MYRIP: variants seen among roughly 807,000 people sequenced by gnomAD.
MYRIP encodes the protein rab effector MyRIP.
A neutral mutation model predicts 98.0 loss-of-function variants in MYRIP; 49 were observed. That is an observed-to-expected ratio of 0.50 (90% CI 0.40 to 0.63). MYRIP has a LOEUF of 0.63. Ranked by LOEUF, MYRIP falls within the 30% of genes least tolerant of loss-of-function variation. The probability of loss-of-function intolerance (pLI) is 0.00; values close to 1 mark genes in which losing one functional copy is unlikely to be tolerated. For missense variants in MYRIP, 1,004 were observed against 1,058.2 expected, an observed-to-expected ratio of 0.95 and a Z score of 0.71; for synonymous variants, 404 against 409.5, an observed-to-expected ratio of 0.99 and a Z score of 0.16.
chr3:40,251,798 G>C, intron 15 of MYRIP, 83 bp from the exon 16 acceptor site: 1 of 899,114 alleles, frequency 1.1e-6, no homozygotes, highest in Middle Eastern at 2.2e-4. Flanking sequence ...AAAAGTCTGA[G>C]TAATCTGGCC....
At chr3:39,883,948 A>C (rs915010585) in intron 1 of MYRIP, among the ~76,000 whole-genome samples, 1 of 152,128 alleles carries the variant, frequency 6.6e-6, no homozygotes. Flanking sequence ...TCCAAAGCTG[A>C]TGAAAGTTTA....
chr3:40,234,353 C>T (rs1952760706), intron 12 of MYRIP, among the ~76,000 whole-genome samples: 1 of 152,188 alleles, frequency 6.6e-6, no homozygotes, highest in Non-Finnish European at 1.5e-5. Flanking sequence ...CAAAGAGGAG[C>T]TTCAGCCTGA....
At chr3:39,910,056 G>A (rs1422090103) in intron 2 of MYRIP, among the ~76,000 whole-genome samples, 4 of 151,890 alleles carry the variant, frequency 2.6e-5, no homozygotes, top group Admixed American at 2.6e-4. Flanking sequence ...ACACCCCGCT[G>A]ATTTTTGTAT....
At chr3:40,079,278 C>T (rs1948423702) in intron 3 of MYRIP, among the ~76,000 whole-genome samples, 1 of 152,208 alleles carries the variant, frequency 6.6e-6, no homozygotes, top group African/African-American at 2.4e-5. Flanking sequence ...CTATCCTGGG[C>T]AACTGGGCTA....
intron 1 of MYRIP, among the ~76,000 whole-genome samples, chr3:39,882,282 A>T (rs1943173725): frequency 6.6e-6 from 1 of 152,092 alleles, no homozygotes; most frequent in African/African-American, 2.4e-5. Flanking sequence ...TTAGATGCTC[A>T]GAGCAGATTT....
chr3:39,833,640 T>C (rs115266034), intron 1 of MYRIP, among the ~76,000 whole-genome samples: 2,435 of 152,272 alleles, frequency 0.016, 59 homozygotes, highest in African/African-American at 0.055. Context: ...ACAGTGTTTA[T>C]TGAATTTAGA....
chr3:40,204,568 G>T (rs1427445862), intron 10 of MYRIP, among the ~76,000 whole-genome samples: 2 of 151,946 alleles, frequency 1.3e-5, no homozygotes, highest in Non-Finnish European at 2.9e-5. Flanking sequence ...TCCCCATTCT[G>T]AGTAGCTAGG....
chr3:39,839,421 C>T (rs1436458625), intron 1 of MYRIP, among the ~76,000 whole-genome samples: 1 of 152,024 alleles, frequency 6.6e-6, no homozygotes, highest in African/African-American at 2.4e-5. Flanking sequence ...CCATGCCTGG[C>T]TAATTTTTGT....
chr3:40,212,548 C>G (rs920825245), intron 11 of MYRIP, among the ~76,000 whole-genome samples: 4 of 152,032 alleles, frequency 2.6e-5, no homozygotes, highest in Admixed American at 6.6e-5. Flanking sequence ...GCAGGCAGAT[C>G]GCTTGAGCCT....
rs1175564998 is a variant in MYRIP, at chr3:39,957,236, T to G, written c.110+56310T>G. Among the ~76,000 whole-genome samples, 2 of 151,708 alleles carry G rather than the reference T, an allele frequency of 1.3e-5. 1 individual carries two copies. The highest frequency in any genetic ancestry group is 4.9e-5 in the African/African-American group (2 of 41,044). ...ACAGGGACACACCAAAAAAGAGAATTTTAGACCAATATCCCTGATGAACAT... is the reference window on the plus strand; with the variant it reads ...ACAGGGACACACCAAAAAAGAGAATGTTAGACCAATATCCCTGATGAACAT... On this transcript the variant is annotated intron_variant, in intron 2 of 16. Coordinates refer to ENST00000302541, the MANE Select transcript of MYRIP (RefSeq NM_015460.4).
rs1942121305 is a variant in MYRIP, at chr3:39,851,214, G to A, written c.-31+41298G>A. On this transcript the variant is annotated intron_variant, in intron 1 of 16. Coordinates refer to ENST00000302541, the MANE Select transcript of MYRIP (RefSeq NM_015460.4). The stretch of plus-strand genomic sequence containing the variant: ...TGCCAATAATCTATGATGGATGTAT[G>A]TATGTATGTGTGTGATTTCAGAGCC... 2.0e-5 allele frequency among the ~76,000 whole-genome samples: 3 copies of A among 150,380 alleles called. No individual in the cohort carries two copies. In the South Asian group the frequency reaches 6.6e-4, roughly 33 times the overall value.
At chr3:39,901,230 G>A (rs1265562834) in intron 2 of MYRIP, among the ~76,000 whole-genome samples, 1 of 152,194 alleles carries the variant, frequency 6.6e-6, no homozygotes, top group Non-Finnish European at 1.5e-5. Context: ...TTAGTTTTTT[G>A]TTGGCAGGTC....
At chr3:40,078,332 G>A (rs1055626949) in intron 3 of MYRIP, among the ~76,000 whole-genome samples, 1 of 152,210 alleles carries the variant, frequency 6.6e-6, no homozygotes, top group African/African-American at 2.4e-5. Flanking sequence ...CTGCGAGCCG[G>A]CTCTGGCCTT....
intron 1 of MYRIP, 50 bp downstream of exon 1, chr3:39,809,966 T>A (rs1379861904): frequency 6.6e-6 from 1 of 152,322 alleles, no homozygotes; most frequent in Non-Finnish European, 1.5e-5. Context: ...TTTGCGCCAC[T>A]CTCCCCTCAA....
chr3:40,241,412 C>T (rs1449032882), intron 12 of MYRIP, among the ~76,000 whole-genome samples: 1 of 152,190 alleles, frequency 6.6e-6, no homozygotes, highest in Non-Finnish European at 1.5e-5. Context: ...CATGGTTACT[C>T]AGGTGGTTCT....
rs1575269213 is a variant in MYRIP at position 39,818,024 on chromosome 3, C to A, written c.-31+8108C>A. Among the ~76,000 whole-genome samples, 5 of 152,068 alleles carry A rather than the reference C, an allele frequency of 3.3e-5. No homozygotes were observed. In the South Asian group the frequency reaches 8.3e-4, roughly 25 times the overall value. On this transcript the variant is annotated intron_variant, in intron 1 of 16. Coordinates refer to ENST00000302541, the MANE Select transcript of MYRIP (RefSeq NM_015460.4). ...TAACAACACATCAGCAACTTTAATG[C>A]CAGTATTTATTCTTCTGTCATTACT... is the stretch of plus-strand genomic sequence containing the variant.
intron 2 of MYRIP, among the ~76,000 whole-genome samples, chr3:39,981,354 C>T (rs956106319): frequency 2.6e-5 from 4 of 152,196 alleles, no homozygotes; most frequent in African/African-American, 9.6e-5. Context: ...TTAGGTCTGT[C>T]TCTTAGATCT....
intron 1 of MYRIP, among the ~76,000 whole-genome samples, chr3:39,816,078 C>CTTTT (rs11382431): frequency 7.0e-6 from 1 of 143,226 alleles, no homozygotes; most frequent in Non-Finnish European, 1.5e-5. Context: ...TTCTTTTTTT[C>CTTTT]TTTTTTTTTT....
intron 3 of MYRIP, among the ~76,000 whole-genome samples, chr3:40,062,144 G>C (rs913529564): frequency 6.6e-6 from 1 of 152,050 alleles, no homozygotes; most frequent in African/African-American, 2.4e-5. Context: ...AATTTCTTTT[G>C]GTGTATTTGT....
Sources: gnomAD v4.1 joint callset for allele counts (sites outside exome capture counted in the v4.1 genomes callset) on GRCh38, gnomAD v4.1.1 for gene constraint, MANE v1.5 for transcripts, NCBI Gene and HGNC (gene_info 2026-07-23, HGNC 2026-07-21) for gene names.